ARHGAP6: variants seen among roughly 807,000 people sequenced by gnomAD.
ARHGAP6 encodes the protein rho GTPase-activating protein 6.
ARHGAP6 carries 16 observed loss-of-function variants against 55.7 expected under a neutral mutation model. That is an observed-to-expected ratio of 0.29 (90% CI 0.19 to 0.44). The LOEUF (loss-of-function observed/expected upper bound fraction) is 0.44. ARHGAP6 is among the 20% of genes least tolerant of loss of function. The probability of loss-of-function intolerance (pLI) is 1.00; values close to 1 mark genes in which losing one functional copy is unlikely to be tolerated. For synonymous variants in ARHGAP6, 382 were observed against 360.9 expected (o/e 1.06, Z -0.66); for missense variants, 698 against 808.9 (o/e 0.86, Z 1.66).
At chrX:11,630,902 G>A (rs1413959331) in intron 1 of ARHGAP6, among the ~76,000 whole-genome samples, 3 of 111,234 alleles carry the variant, frequency 2.7e-5, no homozygotes, top group South Asian at 7.7e-4. Context: ...TTTCCTCATC[G>A]CTAAAATTGA....
chrX:11,401,622 T>C (rs942709291), intron 1 of ARHGAP6, among the ~76,000 whole-genome samples: 1 of 110,972 alleles, frequency 9.0e-6, no homozygotes, highest in African/African-American at 3.3e-5. Flanking sequence ...GAGGGCAAAA[T>C]TGCCCCCAGT....
intron 1 of ARHGAP6, among the ~76,000 whole-genome samples, chrX:11,406,044 T>C (rs2049604888): frequency 9.0e-6 from 1 of 110,822 alleles, no homozygotes; most frequent in Non-Finnish European, 1.9e-5. Context: ...GCTGGGACTG[T>C]AAGTGTGCCA....
chrX:11,284,067 C>T (rs2047892741), intron 1 of ARHGAP6, among the ~76,000 whole-genome samples: 1 of 111,825 alleles, frequency 8.9e-6, no homozygotes, highest in Non-Finnish European at 1.9e-5. Context: ...TGATCCCTTT[C>T]TCAGGCCTAC....
chrX:11,402,233 C>T (rs2049558353), intron 1 of ARHGAP6, among the ~76,000 whole-genome samples: 1 of 111,835 alleles, frequency 8.9e-6, no homozygotes, highest in Admixed American at 9.5e-5. Flanking sequence ...CAAAAGTATG[C>T]TGTACGTTTG....
Position 11,665,683 on chromosome X carries a change from C to A in ARHGAP6, c.-855G>T, listed in dbSNP as rs992785521. 3.5e-5 allele frequency: 4 copies of A among 112,965 alleles called. No individual in the cohort carries two copies. Among genetic ancestry groups the A allele is most frequent in the Non-Finnish European group, 7.5e-5 (4 of 53,348 alleles). 9.3% of individuals were successfully genotyped at this position (112,965 alleles called of 1,213,427 possible). ...GTGTGTGTTCCGCCGGAGAGGAACA[C>A]GCTATTCGCAGCCCAGCCTTGGGCC... On this transcript the variant is annotated 5_prime_UTR_variant, in exon 1 of 13. Transcript: ENST00000337414.
intron 8 of ARHGAP6, among the ~76,000 whole-genome samples, chrX:11,173,055 T>G (rs2046116910): frequency 8.9e-6 from 1 of 111,838 alleles, no homozygotes; most frequent in Admixed American, 9.5e-5. Flanking sequence ...TGTCCCTATT[T>G]TATAGACGAG....
chrX:11,625,408 T>C (rs1172301173), intron 1 of ARHGAP6, among the ~76,000 whole-genome samples: 1 of 110,639 alleles, frequency 9.0e-6, no homozygotes, highest in Non-Finnish European at 1.9e-5. Flanking sequence ...CAGATATAAC[T>C]GGAGGACATT....
intron 1 of ARHGAP6, among the ~76,000 whole-genome samples, chrX:11,560,235 C>G (rs1444331118): frequency 1.8e-5 from 2 of 111,556 alleles, no homozygotes; most frequent in Non-Finnish European, 3.8e-5. Context: ...CCCAAGTTGT[C>G]TGTTGTAACA....
chrX:11,278,016 G>C (rs900537986), intron 1 of ARHGAP6, among the ~76,000 whole-genome samples: 1 of 111,839 alleles, frequency 8.9e-6, no homozygotes, highest in Non-Finnish European at 1.9e-5. Context: ...TTACAAGATA[G>C]TCATTGCACA....
At chrX:11,219,357 T>C (rs1298948804) in intron 2 of ARHGAP6, among the ~76,000 whole-genome samples, 1 of 102,467 alleles carries the variant, frequency 9.8e-6, no homozygotes, top group East Asian at 2.8e-4. Flanking sequence ...TACGTGTGCA[T>C]GTGTCTTTAT....
intron 1 of ARHGAP6, among the ~76,000 whole-genome samples, chrX:11,482,084 A>G (rs1022218054): frequency 8.9e-6 from 1 of 112,221 alleles, no homozygotes; most frequent in Non-Finnish European, 1.9e-5. Flanking sequence ...TGGTTTTAAC[A>G]AGGTCTAGGG....
chrX:11,147,329 A>T (rs1199199233), intron 10 of ARHGAP6, among the ~76,000 whole-genome samples: 1 of 113,028 alleles, frequency 8.8e-6, no homozygotes, highest in Non-Finnish European at 1.9e-5. Flanking sequence ...ATACACATAA[A>T]TGCAACTATA....
chrX:11,251,583 A>G (rs1438925699), intron 2 of ARHGAP6, among the ~76,000 whole-genome samples: 1 of 112,563 alleles, frequency 8.9e-6, no homozygotes. Flanking sequence ...TGTGACAGAG[A>G]ACAGAAATGT....
chrX:11,440,286 G>A (rs2050027384), intron 1 of ARHGAP6, among the ~76,000 whole-genome samples: 1 of 112,050 alleles, frequency 8.9e-6, no homozygotes, highest in South Asian at 3.7e-4. Context: ...ATAAATATGT[G>A]TGTACATAAA....
chrX:11,574,031 G>A (rs1235981263), intron 1 of ARHGAP6, among the ~76,000 whole-genome samples: 1 of 111,414 alleles, frequency 9.0e-6, no homozygotes, highest in Non-Finnish European at 1.9e-5. Context: ...CCAGGAAGAA[G>A]TTGAATCTCT....
intron 1 of ARHGAP6, among the ~76,000 whole-genome samples, chrX:11,326,065 A>G (rs2048493026): frequency 8.9e-6 from 1 of 111,922 alleles, no homozygotes; most frequent in South Asian, 3.7e-4. Flanking sequence ...TGTGAAGAGA[A>G]TCCCTGTTTA....
At chrX:11,575,043 G>T (rs934774034) in intron 1 of ARHGAP6, among the ~76,000 whole-genome samples, 1 of 112,189 alleles carries the variant, frequency 8.9e-6, no homozygotes, top group Non-Finnish European at 1.9e-5. Flanking sequence ...CTAAGGGATT[G>T]TGCTAAGCCA....
At chrX:11,327,114 G>A (rs1191380188) in intron 1 of ARHGAP6, among the ~76,000 whole-genome samples, 1 of 111,238 alleles carries the variant, frequency 9.0e-6, no homozygotes, top group African/African-American at 3.3e-5. Flanking sequence ...TGCTAGGAAG[G>A]AAAAAAAAGT....
rs778070002 is a variant in ARHGAP6, at chrX:11,664,564, T to G, written c.265A>C (p.Arg89=). 11 of 1,187,552 alleles carry G rather than the reference T, an allele frequency of 9.3e-6. No homozygotes were observed. The African/African-American group carries it at 1.9e-4, about 21-fold the overall frequency. ...CCAGGAGGCGGTAGCCTGGTGGCCC[T>G]GGGGGGCGGACCCCGGGAAGAGGAC... ...LASSSRGPPP[R]ATRLPPPGPL... is the part of the protein sequence containing the mutation. Residue 89 remains arginine (R), a synonymous_variant, in exon 1 of 13, where the codon AGG becomes CGG. Transcript: ENST00000337414.
Sources: gnomAD v4.1 joint callset for allele counts (sites outside exome capture counted in the v4.1 genomes callset) on GRCh38, gnomAD v4.1.1 for gene constraint, MANE v1.5 for transcripts, NCBI Gene and HGNC (gene_info 2026-07-23, HGNC 2026-07-21) for gene names.